The following NRXN1 variants were observed in gnomAD, a reference collection of about 807,000 sequenced individuals.
The protein encoded by NRXN1 is neurexin-1.
Under a neutral mutation model 150.9 loss-of-function variants are expected in NRXN1, and 39 were observed. The observed-to-expected ratio is 0.26, with a 90% CI of 0.20 to 0.34. NRXN1 has a LOEUF of 0.34. Ranked by LOEUF, NRXN1 falls within the 10% of genes least tolerant of loss-of-function variation. NRXN1 has a pLI of 1.00. For missense variants in NRXN1, 1,815 were observed against 1,949.9 expected (o/e 0.93, Z 1.30); for synonymous variants, 924 against 757.0 (o/e 1.22, Z -3.62).
At chr2:50,406,461 C>T (rs2082755964) in intron 17 of NRXN1, among the ~76,000 whole-genome samples, 1 of 152,154 alleles carries the variant, frequency 6.6e-6, no homozygotes, top group Admixed American at 6.5e-5. Context: ...GGTGACACCA[C>T]CCACACTCCA....
rs554509276 is a variant in NRXN1 at position 50,327,182 on chromosome 2, T to C, written c.3365-90212A>G. Among the ~76,000 whole-genome samples the C allele has an allele frequency of 5.0e-4, 76 of 152,324 alleles. No homozygotes were observed. The South Asian group carries it at 8.3e-3, about 17-fold the overall frequency. Reference sequence around the variant, plus strand: ...GAATAAATAATCAAATCGTGGTATATGCATACAATGGAATATGACTCAGAA... The same window carrying C: ...GAATAAATAATCAAATCGTGGTATACGCATACAATGGAATATGACTCAGAA... On this transcript the variant is annotated intron_variant, in intron 17 of 22. Coordinates refer to ENST00000401669, the MANE Select transcript of NRXN1 (RefSeq NM_001330078.2).
intron 18 of NRXN1, among the ~76,000 whole-genome samples, chr2:50,177,760 AAACT>A (rs200529821): frequency 4.6e-4 from 64 of 138,502 alleles, no homozygotes; most frequent in South Asian, 1.4e-3. Context: ...AATTGTAGCT[AAACT>A]AACTAACTAA....
intron 17 of NRXN1, among the ~76,000 whole-genome samples, chr2:50,383,840 C>G (rs1281117532): frequency 6.6e-6 from 1 of 152,170 alleles, no homozygotes. Context: ...CAAATCTACT[C>G]CTGACAGTTT....
intron 18 of NRXN1, among the ~76,000 whole-genome samples, chr2:50,199,589 T>C (rs1372897508): frequency 6.6e-6 from 1 of 151,140 alleles, no homozygotes; most frequent in African/African-American, 2.4e-5. Flanking sequence ...CATTAATAAG[T>C]CAGTAATGAG....
intron 9 of NRXN1, among the ~76,000 whole-genome samples, chr2:50,545,849 T>G (rs2093481196): frequency 6.6e-6 from 1 of 152,164 alleles, no homozygotes; most frequent in Non-Finnish European, 1.5e-5. Flanking sequence ...GGCTTAGTAT[T>G]TGCATATAAC....
At chr2:50,354,554 C>CATATATATATAT (rs71404946) in intron 17 of NRXN1, among the ~76,000 whole-genome samples, 2,302 of 99,610 alleles carry the variant, frequency 0.023, 48 homozygotes, top group African/African-American at 0.051. Flanking sequence ...AGAGTGCATA[C>CATATATATATAT]ATATATATAT....
At chr2:50,250,044 T>C (rs2152896938) in intron 17 of NRXN1, among the ~76,000 whole-genome samples, 1 of 152,304 alleles carries the variant, frequency 6.6e-6, no homozygotes, top group African/African-American at 2.4e-5. Flanking sequence ...ACTGACTGAC[T>C]TGCTTTACTG....
intron 18 of NRXN1, among the ~76,000 whole-genome samples, chr2:50,102,252 G>A (rs1327328003): frequency 6.6e-6 from 1 of 151,924 alleles, no homozygotes; most frequent in East Asian, 1.9e-4. Context: ...ATGAAGTAAT[G>A]CAGAAAAATA....
intron 17 of NRXN1, among the ~76,000 whole-genome samples, chr2:50,386,914 C>G (rs1270309983): frequency 6.6e-6 from 1 of 152,036 alleles, no homozygotes; most frequent in African/African-American, 2.4e-5. Context: ...TATACCTATG[C>G]CTTATACAAT....
intron 8 of NRXN1, among the ~76,000 whole-genome samples, chr2:50,556,032 A>G (rs1384003025): frequency 1.2e-4 from 18 of 152,320 alleles, no homozygotes; most frequent in South Asian, 2.1e-4. Context: ...TACAAGAACT[A>G]TCTTGAGAAG....
Position 50,052,454 on chromosome 2 carries a change from C to A in NRXN1, c.4128+817G>T, listed in dbSNP as rs186401881. Among the ~76,000 whole-genome samples, 211 of 152,188 alleles carry A rather than the reference C, an allele frequency of 1.4e-3. 1 individual carries two copies. The highest frequency in any genetic ancestry group is 3.7e-3 in the Admixed American group (57 of 15,276). ...ATGGCATTTGAACAGCATCTAACAG[C>A]ATTTCGAATAAGGTTTTTTTTTCCC... On this transcript the variant is annotated intron_variant, in intron 21 of 22. Coordinates refer to ENST00000401669, the MANE Select transcript of NRXN1 (RefSeq NM_001330078.2).
chr2:50,866,712 A>C lies in NRXN1; in HGVS notation c.832+55157T>G, dbSNP rs1228466627. On this transcript the variant is annotated intron_variant, in intron 5 of 22. Coordinates refer to ENST00000401669, the MANE Select transcript of NRXN1 (RefSeq NM_001330078.2). Reference sequence around the variant, plus strand: ...ACAACGGAATGATTATATTATAAAAAGAAAGGACAAAAAAATTGGGTTAGT... The same window carrying C: ...ACAACGGAATGATTATATTATAAAACGAAAGGACAAAAAAATTGGGTTAGT... 2.0e-5 allele frequency among the ~76,000 whole-genome samples: 3 copies of C among 152,114 alleles called. No homozygotes were observed. In the East Asian group the frequency reaches 5.8e-4, roughly 30 times the overall value.
chr2:50,358,743 C>G (rs1437550212), intron 17 of NRXN1, among the ~76,000 whole-genome samples: 1 of 152,230 alleles, frequency 6.6e-6, no homozygotes, highest in African/African-American at 2.4e-5. Flanking sequence ...AAGGGACAGA[C>G]TGCCTTCTCA....
At chr2:50,109,566 G>T (rs1279851356) in intron 18 of NRXN1, among the ~76,000 whole-genome samples, 2 of 150,910 alleles carry the variant, frequency 1.3e-5, no homozygotes, top group Admixed American at 1.3e-4. Flanking sequence ...TGTACTATTA[G>T]ACACTGACAC....
chr2:50,597,602 T>G (rs1336052399), intron 8 of NRXN1, among the ~76,000 whole-genome samples: 4 of 152,196 alleles, frequency 2.6e-5, no homozygotes, highest in African/African-American at 9.7e-5. Context: ...ATCCAAATGT[T>G]CAACACCTCC....
chr2:50,052,995 T>C (rs770424341), intron 21 of NRXN1, among the ~76,000 whole-genome samples: 2 of 152,154 alleles, frequency 1.3e-5, no homozygotes, highest in African/African-American at 2.4e-5. Flanking sequence ...GACGATCTAC[T>C]CAGCTTGGGC....
At chr2:50,090,520 T>C (rs956061685) in intron 19 of NRXN1, among the ~76,000 whole-genome samples, 3 of 152,118 alleles carry the variant, frequency 2.0e-5, no homozygotes, top group African/African-American at 4.8e-5. Context: ...AAAATATCTT[T>C]ATACTTTTAA....
intron 17 of NRXN1, among the ~76,000 whole-genome samples, chr2:50,374,160 AGTG>A (rs2080314981): frequency 6.6e-6 from 1 of 151,618 alleles, no homozygotes; most frequent in Non-Finnish European, 1.5e-5. Flanking sequence ...AGCCGGCTGT[AGTG>A]GGGGCACACC....
intron 5 of NRXN1, among the ~76,000 whole-genome samples, chr2:50,760,673 G>GA (rs571492491): frequency 1.6e-4 from 23 of 147,488 alleles, no homozygotes; most frequent in South Asian, 8.5e-4. Flanking sequence ...CACCTTCACA[G>GA]AAAAAAAAAA....
Sources: allele counts gnomAD v4.1 joint callset (sites outside exome capture counted in the v4.1 genomes callset), GRCh38; gene constraint gnomAD v4.1.1; transcripts MANE v1.5; gene names NCBI Gene and HGNC (gene_info 2026-07-23, HGNC 2026-07-21).